ADCY5: variants seen among roughly 807,000 people sequenced by gnomAD.
The protein encoded by ADCY5 is adenylate cyclase type 5.
ADCY5 carries 30 observed loss-of-function variants against 119.7 expected under a neutral mutation model. The observed-to-expected ratio is 0.25, with a 90% CI of 0.19 to 0.34. ADCY5 has a LOEUF of 0.34. Ranked by LOEUF, ADCY5 falls within the 10% of genes least tolerant of loss-of-function variation. The probability of loss-of-function intolerance (pLI) is 1.00; values close to 1 mark genes in which losing one functional copy is unlikely to be tolerated. For synonymous variants in ADCY5, 753 were observed against 762.2 expected (o/e 0.99, Z 0.20); for missense variants, 1,324 against 1,775.2 (o/e 0.75, Z 4.57).
intron 17 of ADCY5, among the ~76,000 whole-genome samples, chr3:123,293,950 C>CA (rs1939333435): frequency 6.6e-6 from 1 of 152,138 alleles, no homozygotes; most frequent in Non-Finnish European, 1.5e-5. Flanking sequence ...AGGGAAAGCA[C>CA]AAGATTAGCC....
chr3:123,314,467 G>A (rs942379762), intron 11 of ADCY5, 145 bp from the exon 12 acceptor site: 4 of 646,762 alleles, frequency 6.2e-6, no homozygotes, highest in Middle Eastern at 4.2e-4. Flanking sequence ...ATCCAGAGAG[G>A]GAACCTGAAG....
chr3:123,328,883 A>G, intron 5 of ADCY5, 81 bp from the exon 6 acceptor site: 2 of 1,411,522 alleles, frequency 1.4e-6, no homozygotes, highest in Middle Eastern at 1.8e-4. Context: ...AGGTGCAGGG[A>G]AGGTGAAGGT....
chr3:123,339,689 G>A (rs922208386), intron 3 of ADCY5, among the ~76,000 whole-genome samples: 3 of 152,096 alleles, frequency 2.0e-5, no homozygotes, highest in Non-Finnish European at 2.9e-5. Flanking sequence ...TCCTAGATTC[G>A]ACTAAGGGCC....
intron 1 of ADCY5, among the ~76,000 whole-genome samples, chr3:123,403,085 T>G (rs1247433633): frequency 6.6e-6 from 1 of 151,658 alleles, no homozygotes; most frequent in African/African-American, 2.4e-5. Flanking sequence ...GAGCAGCACT[T>G]AGAGCACAGA....
chr3:123,283,790 T>G lies in ADCY5; in HGVS notation c.*818A>C, dbSNP rs1938538833. On this transcript the variant is annotated 3_prime_UTR_variant, in exon 21 of 21. Transcript: ENST00000462833. ...AAATATAGAATTTGGCATATCTATC[T>G]GTGAGATCTCCAAGGCTTTCAATAA... 1 of 151,874 alleles carries G rather than the reference T, an allele frequency of 6.6e-6. No individual in the cohort carries two copies. The highest frequency in any genetic ancestry group is 2.4e-5 in the African/African-American group (1 of 41,150). The allele number at this position is 151,874 out of a possible 1,614,324, so 9.4% of individuals were successfully genotyped here.
intron 3 of ADCY5, among the ~76,000 whole-genome samples, chr3:123,345,159 A>C (rs973187612): frequency 2.0e-5 from 3 of 152,232 alleles, no homozygotes; most frequent in Non-Finnish European, 4.4e-5. Context: ...GGCCTGAGTC[A>C]GCCCCTCTGA....
chr3:123,317,973 T>G (rs759875706), intron 11 of ADCY5, 47 bp downstream of exon 11: 1 of 1,548,888 alleles, frequency 6.5e-7, no homozygotes, highest in Admixed American at 1.7e-5. Context: ...ACTCCTGGGA[T>G]TCCCTGCAGC....
chr3:123,304,086 AG>A lies in ADCY5; in HGVS notation c.2539del (p.Leu847TrpfsTer121). The A allele has an allele frequency of 6.2e-7, 1 of 1,605,634 alleles. No homozygotes were observed. The highest frequency in any genetic ancestry group is 8.5e-7 in the Non-Finnish European group (1 of 1,174,152). On this transcript the variant is annotated frameshift_variant, in exon 13 of 21. Transcript: ENST00000462833. LOFTEE classifies it high-confidence loss of function. ...VGVFTITLVF[L>X]AAFVNMFTCN... ...ACCCACCATGTTGACAAAAGCCGCCAGGAACACCAGGGTGATGGTGAACACC... is the reference window on the plus strand; with the variant it reads ...ACCCACCATGTTGACAAAAGCCGCCAGAACACCAGGGTGATGGTGAACACC...
Position 123,345,769 on chromosome 3 carries a change from G to GACACACAGACACACACACACACACACAC in ADCY5, c.1406+2012_1406+2013insGTGTGTGTGTGTGTGTGTGTCTGTGTGT, listed in dbSNP as rs1553731376. ...AGACAGACAGACAGACAGACAGACA[G>GACACACAGACACACACACACACACACAC]ACACACACACACACACACACACACA... is the stretch of plus-strand genomic sequence containing the variant. On this transcript the variant is annotated intron_variant, in intron 3 of 20. Coordinates refer to ENST00000462833, the MANE Select transcript of ADCY5 (RefSeq NM_183357.3). Among the ~76,000 whole-genome samples the GACACACAGACACACACACACACACACAC allele has an allele frequency of 2.0e-3, 225 of 113,802 alleles. 5 individuals carry two copies. Among genetic ancestry groups the GACACACAGACACACACACACACACACAC allele is most frequent in the African/African-American group, 6.2e-3 (157 of 25,366 alleles). The allele number at this position is 113,802 out of a possible 152,430, so 74.7% of individuals were successfully genotyped here. A position where few individuals can be genotyped will look rare whatever the true frequency, so the allele number is the denominator to read the frequency against.
Position 123,286,639 on chromosome 3 carries a change from C to G in ADCY5, c.3657+46G>C, listed in dbSNP as rs772112446. On this transcript the variant is annotated intron_variant, in intron 20 of 20. Transcript: ENST00000462833. This position sits in a 1 kb window ranked among gnomAD's most constrained non-coding sequence, Gnocchi z 4.2. Reference sequence around the variant, plus strand: ...CCTGAAGACCTCTCGGTGTCAGACACAGGACCTCCCATGGGGTGAGGGGTG... The same window carrying G: ...CCTGAAGACCTCTCGGTGTCAGACAGAGGACCTCCCATGGGGTGAGGGGTG... The G allele has an allele frequency of 3.2e-6, 5 of 1,546,782 alleles. No individual in the cohort carries two copies. Among genetic ancestry groups the G allele is most frequent in the Non-Finnish European group, 4.3e-6 (5 of 1,151,588 alleles).
intron 12 of ADCY5, among the ~76,000 whole-genome samples, chr3:123,307,927 G>A (rs1475809359): frequency 1.3e-5 from 2 of 149,708 alleles, no homozygotes; most frequent in Non-Finnish European, 3.0e-5. Flanking sequence ...AAAAATCAGT[G>A]TTAGATGTGG....
chr3:123,304,180 A>G lies in ADCY5; in HGVS notation c.2446T>C (p.Phe816Leu), dbSNP rs1277999257. 6.3e-6 allele frequency: 6 copies of G among 948,820 alleles called. No homozygotes were observed. Among genetic ancestry groups the G allele is most frequent in the Non-Finnish European group, 9.4e-6 (6 of 637,360 alleles). The allele number at this position is 948,820 out of a possible 1,614,324, so 58.8% of individuals were successfully genotyped here. ...GAGAGGGTCTGCAGTGGGGAGGGGA[A>G]GAGCTAGGGTGGGGGCAGGGGTGGA... ...VSVIYSCVKL[F>L]PSPLQTLSRK... The change falls in exon 13 of 21, where the codon TTC becomes CTC. Residue 816 changes from phenylalanine to leucine, a missense_variant. Physicochemically the swap from Phe to Leu is conservative, Grantham distance 22 (BLOSUM62 0). Transcript: ENST00000462833.
At chr3:123,339,501 T>C (rs1207894079) in intron 3 of ADCY5, among the ~76,000 whole-genome samples, 1 of 152,160 alleles carries the variant, frequency 6.6e-6, no homozygotes, top group Non-Finnish European at 1.5e-5. Context: ...GGGAAAGGCC[T>C]ATGGGAGCCT....
At chr3:123,324,492 C>T (rs1407298642) in intron 8 of ADCY5, among the ~76,000 whole-genome samples, 8 of 149,152 alleles carry the variant, frequency 5.4e-5, no homozygotes, top group African/African-American at 2.0e-4. Context: ...ATCCCTCGGC[C>T]CTTCCTTGGT....
rs562352538 is a variant in ADCY5 at position 123,308,303 on chromosome 3, C to T, written c.2443-4120G>A. Among the ~76,000 whole-genome samples the T allele has an allele frequency of 1.6e-4, 25 of 151,814 alleles. No homozygotes were observed. The East Asian group carries it at 4.8e-3, about 29-fold the overall frequency. ...CCGCCCGCCTCAGCCTCCCAAAGTG[C>T]TGGGATTACAGGCGTGAGCCACTGC... is the stretch of plus-strand genomic sequence containing the variant. On this transcript the variant is annotated intron_variant, in intron 12 of 20. Coordinates refer to ENST00000462833, the MANE Select transcript of ADCY5 (RefSeq NM_183357.3).
intron 3 of ADCY5, among the ~76,000 whole-genome samples, chr3:123,337,506 G>A (rs1034746736): frequency 4.6e-5 from 7 of 152,328 alleles, no homozygotes; most frequent in Admixed American, 3.3e-4. Flanking sequence ...CCCTGCTCCC[G>A]CTGAAACTCA....
At chr3:123,421,337 C>G (rs534823499) in intron 1 of ADCY5, among the ~76,000 whole-genome samples, 1 of 152,226 alleles carries the variant, frequency 6.6e-6, no homozygotes, top group Non-Finnish European at 1.5e-5. Flanking sequence ...GAGACCCAGA[C>G]AGGTTAGGTA....
At chr3:123,362,533 C>T (rs1475846427) in intron 1 of ADCY5, among the ~76,000 whole-genome samples, 2 of 152,116 alleles carry the variant, frequency 1.3e-5, no homozygotes, top group African/African-American at 4.8e-5. Flanking sequence ...TAGGAAGACC[C>T]CACGCTTTGC....
chr3:123,421,750 A>G lies in ADCY5; in HGVS notation c.1134+25662T>C, dbSNP rs544778254. Among the ~76,000 whole-genome samples, 35 of 152,334 alleles carry G rather than the reference A, an allele frequency of 2.3e-4. No homozygotes were observed. The South Asian group carries it at 2.5e-3, about 11-fold the overall frequency. ...GCCTCCCAGGCAGGCACAAGACCAC[A>G]TTATATCAAACCCACTGCTATGCTA... On this transcript the variant is annotated intron_variant, in intron 1 of 20. Coordinates refer to ENST00000462833, the MANE Select transcript of ADCY5 (RefSeq NM_183357.3).
Sources: allele counts gnomAD v4.1 joint callset (sites outside exome capture counted in the v4.1 genomes callset), GRCh38; gene constraint gnomAD v4.1.1; non-coding constraint Gnocchi (gnomAD v3.1); transcripts MANE v1.5; gene names NCBI Gene and HGNC (gene_info 2026-07-23, HGNC 2026-07-21).